RBM26: variants seen among roughly 807,000 people sequenced by gnomAD.
RBM26 encodes RNA-binding protein 26.
In RBM26, 30 loss-of-function variants were observed where a neutral mutation model predicts 123.6. That is an observed-to-expected ratio of 0.24 (90% confidence interval 0.18 to 0.33). The LOEUF is 0.33. Among genes scored for constraint, RBM26 ranks in the 10% least tolerant of loss-of-function variants. RBM26 has a pLI of 1.00. For synonymous variants in RBM26, 400 were observed against 404.4 expected, an observed-to-expected ratio of 0.99 and a Z score of 0.13; for missense variants, 947 against 1,203.6, an observed-to-expected ratio of 0.79 and a Z score of 3.15.
intron 11 of RBM26, among the ~76,000 whole-genome samples, chr13:79,355,808 C>T (rs1404302054): frequency 6.6e-6 from 1 of 151,760 alleles, no homozygotes; most frequent in African/African-American, 2.4e-5. Flanking sequence ...TGAACAATTG[C>T]CCAAATTTGT....
chr13:79,357,372 A>G (rs936917203), intron 11 of RBM26, among the ~76,000 whole-genome samples: 1 of 152,056 alleles, frequency 6.6e-6, no homozygotes, highest in Non-Finnish European at 1.5e-5. Context: ...TTTAATTGCA[A>G]AAAGAACACC....
downstream of RBM26, chr13:79,314,424 G>A (rs1345603941): frequency 6.6e-6 from 1 of 151,604 alleles, no homozygotes; most frequent in Admixed American, 6.6e-5. Flanking sequence ...AAATGACCTT[G>A]GCAACATCAG....
chr13:79,322,358 A>G lies in RBM26; in HGVS notation c.2925T>C (p.Asp975=). The G allele has an allele frequency of 6.4e-7, 1 of 1,564,670 alleles. No individual in the cohort carries two copies. The highest frequency in any genetic ancestry group is 8.6e-7 in the Non-Finnish European group (1 of 1,157,170). The change falls in exon 21 of 22, where the codon GAT becomes GAC. Residue 975 remains aspartate, a synonymous_variant. Transcript: ENST00000438737. ...SAVETEEVEP[D]EEEFQEESLV... ...AAAAAAAATAACATACTTCTTCTTC[A>G]TCAGGCTCAACTTCTTCTGTTTCAA...
chr13:79,363,806 T>G (rs2074976193), intron 9 of RBM26, among the ~76,000 whole-genome samples: 1 of 152,130 alleles, frequency 6.6e-6, no homozygotes, highest in Non-Finnish European at 1.5e-5. Flanking sequence ...TAATAAATAT[T>G]GACCTGTAGT....
chr13:79,397,139 C>T (rs1594750304), intron 1 of RBM26, among the ~76,000 whole-genome samples: 1 of 152,086 alleles, frequency 6.6e-6, no homozygotes, highest in Admixed American at 6.5e-5. Context: ...CGAGATTGCA[C>T]CACTGCACTC....
intron 1 of RBM26, among the ~76,000 whole-genome samples, chr13:79,392,600 TATAA>T (rs1014781529): frequency 6.8e-5 from 10 of 147,282 alleles, no homozygotes; most frequent in Non-Finnish European, 1.5e-4. Flanking sequence ...TATTTATATA[TATAA>T]ATAAACATAG....
chr13:79,374,761 T>C (rs1402750521), intron 3 of RBM26, among the ~76,000 whole-genome samples: 1 of 152,022 alleles, frequency 6.6e-6, no homozygotes, highest in Non-Finnish European at 1.5e-5. Context: ...TATTCCACAG[T>C]ACATGCCCAT....
chr13:79,344,262 T>C lies in RBM26; in HGVS notation c.2245A>G (p.Ile749Val). The C allele has an allele frequency of 6.8e-6, 11 of 1,607,888 alleles. No homozygotes were observed. The highest frequency in any genetic ancestry group is 9.4e-6 in the Non-Finnish European group (11 of 1,174,596). ...TAACATTTTACCTTCTGTGTTTCAA[T>C]GTGCTTTTCTAAAATTTCTTGTTTC... ...KRKQEILEKH[I>V]ETQKMLISKL... Residue 749 changes from isoleucine to valine, a missense_variant, in exon 16 of 22, where the codon ATT (isoleucine) becomes GTT (valine). This residue lies in a region of RBM26 where 493 missense variants were observed against 563.1 expected (regional missense o/e 0.88). Coordinates refer to ENST00000438737, the MANE Select transcript of RBM26 (RefSeq NM_001366735.2).
intron 1 of RBM26, among the ~76,000 whole-genome samples, chr13:79,400,094 T>C (rs1279183670): frequency 6.6e-6 from 1 of 152,174 alleles, no homozygotes; most frequent in African/African-American, 2.4e-5. Context: ...GTGTATGTAT[T>C]TGTAAATCCT....
At chr13:79,342,219 G>GT (rs1343794329) in intron 17 of RBM26, among the ~76,000 whole-genome samples, 1 of 151,670 alleles carries the variant, frequency 6.6e-6, no homozygotes, top group Non-Finnish European at 1.5e-5. Flanking sequence ...GTATAACCCT[G>GT]TTTTTTTCTT....
At position 79,334,372 on chromosome 13, in the gene RBM26, G is replaced by A. The variant is rs778110236; in HGVS notation, c.2792C>T (p.Thr931Ile). Reference sequence around the variant, plus strand: ...TTCAGCTTCTGCTCTTGTCTTGAATGTAATTACTGCATGAAGTGAGGAATC... The same window carrying A: ...TTCAGCTTCTGCTCTTGTCTTGAATATAATTACTGCATGAAGTGAGGAATC... ...IDDSSLHAVI[T>I]FKTRAEAEAA... Residue 931 changes from threonine to isoleucine, a missense_variant, in exon 20 of 22, where the codon ACA (threonine) becomes ATA (isoleucine). By Grantham distance (89) the Thr-to-Ile change is moderately conservative. Transcript: ENST00000438737. The A allele has an allele frequency of 1.9e-6, 3 of 1,564,480 alleles. No individual in the cohort carries two copies. Among genetic ancestry groups the A allele is most frequent in the African/African-American group, 1.4e-5 (1 of 72,752 alleles).
chr13:79,374,855 T>C (rs2076497468), intron 3 of RBM26, among the ~76,000 whole-genome samples: 1 of 151,758 alleles, frequency 6.6e-6, no homozygotes, highest in South Asian at 2.1e-4. Context: ...CAGGGATAAG[T>C]ATCTCCCACA....
In RBM26 at chr13:79,344,658, G is replaced by A. The variant is rs2072004560; in HGVS notation, c.2184+11C>T. 2 of 1,607,862 alleles carry A rather than the reference G, an allele frequency of 1.2e-6. No individual in the cohort carries two copies. The highest frequency in any genetic ancestry group is 2.7e-5 in the African/African-American group (2 of 74,418). On this transcript the variant is annotated intron_variant, in intron 15 of 21. Transcript: ENST00000438737. ...TGCAAAAATTTTTTATACTATACCA[G>A]TTGTACTTACCTGTTTTTTTTTCTG...
At chr13:79,343,737 A>T (rs1178343827) in intron 16 of RBM26, among the ~76,000 whole-genome samples, 2 of 151,928 alleles carry the variant, frequency 1.3e-5, no homozygotes, top group Non-Finnish European at 2.9e-5. Flanking sequence ...TATATCCAAA[A>T]TGTGACATTT....
chr13:79,391,968 T>C (rs1594692565), intron 1 of RBM26, among the ~76,000 whole-genome samples: 1 of 144,766 alleles, frequency 6.9e-6, no homozygotes. Context: ...ACATAATTAT[T>C]ATATAATTAT....
chr13:79,369,678 C>T (rs1438951684), intron 5 of RBM26, among the ~76,000 whole-genome samples: 1 of 152,114 alleles, frequency 6.6e-6, no homozygotes, highest in Non-Finnish European at 1.5e-5. Flanking sequence ...TGTTTTACGA[C>T]AACATCTTAC....
In RBM26 at chr13:79,406,194, G is replaced by A. The variant is rs894536419; in HGVS notation, c.-420C>T. On this transcript the variant is annotated 5_prime_UTR_variant, in exon 1 of 22. Coordinates refer to ENST00000438737, the MANE Select transcript of RBM26 (RefSeq NM_001366735.2). ...AGGGCAGCTCAATGGGAACGATTCA[G>A]GGGGTCTTCCCGGCTCCCAGCACCC... is the stretch of plus-strand genomic sequence containing the variant. 2 of 155,038 alleles carry A rather than the reference G, an allele frequency of 1.3e-5. No homozygotes were observed. Among genetic ancestry groups the A allele is most frequent in the African/African-American group, 2.4e-5 (1 of 41,604 alleles). 9.6% of individuals were successfully genotyped at this position (155,038 alleles called of 1,614,324 possible).
intron 20 of RBM26, among the ~76,000 whole-genome samples, chr13:79,328,831 GAATT>G (rs1323768367): frequency 6.7e-6 from 1 of 148,646 alleles, no homozygotes; most frequent in Non-Finnish European, 1.5e-5. Context: ...TCAGAAAAGT[GAATT>G]AAAACCTAAA....
At chr13:79,349,510 G>C (rs1423152783) in intron 14 of RBM26, among the ~76,000 whole-genome samples, 1 of 151,902 alleles carries the variant, frequency 6.6e-6, no homozygotes, top group African/African-American at 2.4e-5. Context: ...TGTACAGCTA[G>C]TAATGAATTT....
Sources: allele counts gnomAD v4.1 joint callset (sites outside exome capture counted in the v4.1 genomes callset), GRCh38; gene constraint gnomAD v4.1.1; regional missense constraint gnomAD v4.1.1; transcripts MANE v1.5; gene names NCBI Gene and HGNC (gene_info 2026-07-23, HGNC 2026-07-21).